Variants in SGCD observed in about 807,000 individuals in gnomAD.
SGCD encodes the protein sarcoglycan delta, also known as delta-sarcoglycan.
SGCD carries 18 observed loss-of-function variants against 36.6 expected under a neutral mutation model. The observed-to-expected ratio is 0.49, with a 90% CI of 0.34 to 0.73. The LOEUF is 0.73. Ranked by LOEUF, SGCD falls within the 30% of genes least tolerant of loss-of-function variation. The probability of loss-of-function intolerance (pLI) is 0.01; values close to 1 mark genes in which losing one functional copy is unlikely to be tolerated. For synonymous variants in SGCD, 133 were observed against 130.6 expected (o/e 1.02, Z -0.12); for missense variants, 387 against 346.7 (o/e 1.12, Z -0.92).
the SGCD span, among the ~76,000 whole-genome samples, chr5:155,748,894 T>C: frequency 6.6e-6 from 1 of 152,172 alleles, no homozygotes; most frequent in Non-Finnish European, 1.5e-5. Context: ...ATCAAACTGG[T>C]CCTCACAATG....
At chr5:155,815,003 T>C in the SGCD span, among the ~76,000 whole-genome samples, 1 of 152,146 alleles carries the variant, frequency 6.6e-6, no homozygotes, top group African/African-American at 2.4e-5. Context: ...CTATCTGGTT[T>C]AATAACTTCA....
At chr5:156,071,992 C>T (rs1010095259) in intron 1 of SGCD, among the ~76,000 whole-genome samples, 5 of 152,140 alleles carry the variant, frequency 3.3e-5, no homozygotes, top group African/African-American at 7.2e-5. Context: ...GGTAGATCTT[C>T]CTCCATCCTT....
At chr5:156,517,024 G>A (rs1757205826) in intron 4 of SGCD, among the ~76,000 whole-genome samples, 1 of 152,054 alleles carries the variant, frequency 6.6e-6, no homozygotes, top group Non-Finnish European at 1.5e-5. Flanking sequence ...AACAAAACAG[G>A]TGGGTAATAA....
At chr5:156,708,053 T>C (rs1455197226) in intron 7 of SGCD, among the ~76,000 whole-genome samples, 1 of 152,176 alleles carries the variant, frequency 6.6e-6, no homozygotes, top group Non-Finnish European at 1.5e-5. Flanking sequence ...AAAGATTAAG[T>C]CTTGTGGTGC....
At chr5:156,360,083 C>A (rs1403866060) in intron 3 of SGCD, among the ~76,000 whole-genome samples, 1 of 152,118 alleles carries the variant, frequency 6.6e-6, no homozygotes, top group Non-Finnish European at 1.5e-5. Context: ...GGGCGGGTCC[C>A]CACTGAAACC....
chr5:156,477,331 T>A (rs1440322818), intron 3 of SGCD, among the ~76,000 whole-genome samples: 1 of 152,170 alleles, frequency 6.6e-6, no homozygotes, highest in Non-Finnish European at 1.5e-5. Flanking sequence ...AAGTACAATA[T>A]AACCCATAGA....
At chr5:155,980,587 C>CAAAAAAA (rs70981994) in intron 1 of SGCD, among the ~76,000 whole-genome samples, 2 of 47,218 alleles carry the variant, frequency 4.2e-5, no homozygotes, top group Non-Finnish European at 7.2e-5. Context: ...GACTCCCTAT[C>CAAAAAAA]AAAAAAAAAA....
At chr5:156,383,301 C>A (rs963155143) in intron 3 of SGCD, among the ~76,000 whole-genome samples, 1 of 151,950 alleles carries the variant, frequency 6.6e-6, no homozygotes, top group Non-Finnish European at 1.5e-5. Flanking sequence ...GTCAGGAGAT[C>A]GAGACCAGCC....
At chr5:156,510,896 AGGGTACT>A (rs1756897526) in intron 4 of SGCD, among the ~76,000 whole-genome samples, 1 of 152,220 alleles carries the variant, frequency 6.6e-6, no homozygotes, top group Non-Finnish European at 1.5e-5. Context: ...ACTTGAAAAC[AGGGTACT>A]GGGTGCATCT....
At chr5:155,849,656 A>G in the SGCD span, among the ~76,000 whole-genome samples, 2 of 152,168 alleles carry the variant, frequency 1.3e-5, no homozygotes, top group Non-Finnish European at 2.9e-5. Context: ...ATTTCAATTA[A>G]TAGTGTGAGA....
At chr5:156,743,516 G>A (rs763772252) in intron 7 of SGCD, among the ~76,000 whole-genome samples, 49 of 152,136 alleles carry the variant, frequency 3.2e-4, no homozygotes, top group African/African-American at 9.4e-4. Context: ...GTCCTTCTGC[G>A]TCTCTGTGCC....
At chr5:156,073,757 A>G (rs983944054) in intron 1 of SGCD, among the ~76,000 whole-genome samples, 1 of 152,222 alleles carries the variant, frequency 6.6e-6, no homozygotes, top group South Asian at 2.1e-4. Context: ...TAATACAGAG[A>G]TATAGCCAGG....
rs1757616482 is a variant in SGCD, at chr5:156,767,540, A to G, written c.*8150A>G. On this transcript the variant is annotated 3_prime_UTR_variant, in exon 9 of 9. Coordinates refer to ENST00000337851, the MANE Select transcript of SGCD (RefSeq NM_000337.6). ...TAAAGTAATTGAGTTCAGCCTTTGG[A>G]TTATTTTTGGTTTGGTTTTTCTCTG... 6.7e-6 allele frequency: 1 copy of G among 148,224 alleles called. No individual in the cohort carries two copies. Among genetic ancestry groups the G allele is most frequent in the Non-Finnish European group, 1.5e-5 (1 of 67,362 alleles). The allele number at this position is 148,224 out of a possible 1,614,324, so 9.2% of individuals were successfully genotyped here. A position where few individuals can be genotyped will look rare whatever the true frequency, so the allele number is the denominator to read the frequency against.
intron 1 of SGCD, among the ~76,000 whole-genome samples, chr5:156,017,363 A>T (rs543569599): frequency 5.9e-5 from 9 of 152,020 alleles, no homozygotes; most frequent in Non-Finnish European, 1.5e-5. Flanking sequence ...AAATGCATCA[A>T]TTTTTTAAAA....
chr5:155,746,411 A>G, the SGCD span, among the ~76,000 whole-genome samples: 3 of 152,130 alleles, frequency 2.0e-5, no homozygotes, highest in Admixed American at 6.6e-5. Context: ...AGAACACTCC[A>G]GGAGAGGAGT....
chr5:156,508,232 T>C (rs1005557326), intron 3 of SGCD, among the ~76,000 whole-genome samples: 4 of 152,180 alleles, frequency 2.6e-5, no homozygotes. Context: ...TCTGTAGAGT[T>C]CTGGAAATAG....
intron 6 of SGCD, 148 bp from the exon 7 acceptor site, chr5:156,647,316 T>C (rs1763266092): frequency 1.9e-6 from 1 of 533,602 alleles, no homozygotes; most frequent in East Asian, 2.9e-5. Context: ...TGCTTTCCTA[T>C]CATGGAGCTC....
At chr5:156,372,348 G>A (rs1009003987) in intron 3 of SGCD, among the ~76,000 whole-genome samples, 6 of 152,156 alleles carry the variant, frequency 3.9e-5, no homozygotes, top group Non-Finnish European at 5.9e-5. Context: ...TCACAGATAT[G>A]TGATGCAATA....
At chr5:156,372,347 T>C (rs1033884366) in intron 3 of SGCD, among the ~76,000 whole-genome samples, 6 of 152,214 alleles carry the variant, frequency 3.9e-5, no homozygotes, top group African/African-American at 1.2e-4. Context: ...TTCACAGATA[T>C]GTGATGCAAT....
Sources: gnomAD v4.1 joint callset for allele counts (sites outside exome capture counted in the v4.1 genomes callset) on GRCh38, gnomAD v4.1.1 for gene constraint, MANE v1.5 for transcripts, NCBI Gene and HGNC (gene_info 2026-07-23, HGNC 2026-07-21) for gene names.